TTC7B: variants seen among roughly 807,000 people sequenced by gnomAD.
The protein encoded by TTC7B is tetratricopeptide repeat protein 7B.
A neutral mutation model predicts 106.8 loss-of-function variants in TTC7B; 28 were observed. The observed-to-expected ratio is 0.26, with a 90% CI of 0.19 to 0.36. The LOEUF (loss-of-function observed/expected upper bound fraction) is 0.36. TTC7B is among the 10% of genes least tolerant of loss of function. The pLI, the probability that TTC7B is intolerant of heterozygous loss-of-function variation, is 1.00. For synonymous variants in TTC7B, 405 were observed against 430.6 expected (o/e 0.94, Z 0.74); for missense variants, 862 against 1,076.4 (o/e 0.80, Z 2.79).
At chr14:90,696,009 G>A (rs1038646472) in intron 5 of TTC7B, among the ~76,000 whole-genome samples, 1 of 151,852 alleles carries the variant, frequency 6.6e-6, no homozygotes, top group African/African-American at 2.4e-5. Context: ...AAGATGGAAG[G>A]CACAAAAAAA....
chr14:90,630,817 T>C (rs1377860683), intron 15 of TTC7B, among the ~76,000 whole-genome samples: 1 of 151,912 alleles, frequency 6.6e-6, no homozygotes, highest in Non-Finnish European at 1.5e-5. Context: ...TCCATCAGAA[T>C]GTCCTTCTAT....
In TTC7B at chr14:90,527,306, G is replaced by A. The variant is rs527439651; in HGVS notation, c.*14062C>T. ...TCCACATCCTTCTCTCTGAATGCAA[G>A]TCACCAAGTCCAGCCCACACTCCAG... On this transcript the variant is annotated 3_prime_UTR_variant, in exon 20 of 20. Transcript: ENST00000328459. 3.3e-5 allele frequency: 5 copies of A among 152,238 alleles called. No homozygotes were observed. The South Asian group carries it at 6.2e-4, about 19-fold the overall frequency. The allele number at this position is 152,238 out of a possible 1,614,324, so 9.4% of individuals were successfully genotyped here.
intron 1 of TTC7B, among the ~76,000 whole-genome samples, chr14:90,787,990 C>T (rs1891449872): frequency 6.6e-6 from 1 of 152,080 alleles, no homozygotes; most frequent in East Asian, 1.9e-4. Context: ...TGGTGAAACC[C>T]GGTATCTACT....
intron 19 of TTC7B, among the ~76,000 whole-genome samples, chr14:90,551,482 C>T (rs942243135): frequency 2.0e-5 from 3 of 152,068 alleles, no homozygotes; most frequent in Non-Finnish European, 4.4e-5. Flanking sequence ...TTGGTCTGGC[C>T]GTCTGCATTC....
intron 15 of TTC7B, among the ~76,000 whole-genome samples, chr14:90,630,799 T>G (rs1297381008): frequency 6.6e-6 from 1 of 152,182 alleles, no homozygotes. Flanking sequence ...TTCATCTATG[T>G]TGGTACATCC....
At position 90,756,479 on chromosome 14, in the gene TTC7B, C is replaced by T. The variant is rs188182282; in HGVS notation, c.446-11557G>A. On this transcript the variant is annotated intron_variant, in intron 3 of 19. Transcript: ENST00000328459. ...CGCGATCTCGGCTCACTGCAACTTC[C>T]GCCTTCTGGGTTCAAGCGATTCTCC... is the stretch of plus-strand genomic sequence containing the variant. 1.8e-3 allele frequency among the ~76,000 whole-genome samples: 278 copies of T among 151,314 alleles called. 1 individual carries two copies. The highest frequency in any genetic ancestry group is 6.8e-3 in the Middle Eastern group (2 of 292).
intron 8 of TTC7B, among the ~76,000 whole-genome samples, chr14:90,679,785 C>T (rs897631479): frequency 6.6e-6 from 1 of 152,232 alleles, no homozygotes; most frequent in Non-Finnish European, 1.5e-5. Flanking sequence ...GTGATAGATA[C>T]ACAGGGCAGA....
At chr14:90,728,947 C>G (rs1889218586) in intron 5 of TTC7B, among the ~76,000 whole-genome samples, 1 of 152,220 alleles carries the variant, frequency 6.6e-6, no homozygotes, top group African/African-American at 2.4e-5. Flanking sequence ...GAAAACAGAA[C>G]TTCATCTTAG....
At chr14:90,724,515 A>G (rs1889014718) in intron 5 of TTC7B, among the ~76,000 whole-genome samples, 1 of 152,180 alleles carries the variant, frequency 6.6e-6, no homozygotes, top group Non-Finnish European at 1.5e-5. Context: ...ACTCCTCATG[A>G]TAACGAGTGA....
In TTC7B at chr14:90,816,171, G is replaced by T. The variant is rs780875159; in HGVS notation, c.121+4C>A. On this transcript the variant is annotated splice_donor_region_variant and intron_variant, in intron 1 of 19. Coordinates refer to ENST00000328459, the MANE Select transcript of TTC7B (RefSeq NM_001010854.2). ...CAGCCCAGGCCGGCGCGCCCGGAGC[G>T]TACCGTTGGCGATGAGCTTGGCCGA... The T allele has an allele frequency of 8.1e-7, 1 of 1,241,832 alleles. No homozygotes were observed. Among genetic ancestry groups the T allele is most frequent in the South Asian group, 1.3e-5 (1 of 74,552 alleles). 76.9% of individuals were successfully genotyped at this position (1,241,832 alleles called of 1,614,324 possible).
chr14:90,670,621 G>A (rs1886595674), intron 9 of TTC7B, among the ~76,000 whole-genome samples: 1 of 152,124 alleles, frequency 6.6e-6, no homozygotes, highest in Admixed American at 6.5e-5. Context: ...CCTCCCAAAC[G>A]TGTTGGCATT....
intron 19 of TTC7B, among the ~76,000 whole-genome samples, chr14:90,559,555 CG>C (rs1385098364): frequency 6.6e-6 from 1 of 152,154 alleles, no homozygotes; most frequent in Non-Finnish European, 1.5e-5. Flanking sequence ...CTCTAGAGAA[CG>C]GGGAAGAGGC....
intron 7 of TTC7B, among the ~76,000 whole-genome samples, chr14:90,688,734 G>A (rs1428381720): frequency 1.3e-5 from 2 of 151,796 alleles, no homozygotes; most frequent in South Asian, 4.2e-4. Context: ...CTTGAACCTG[G>A]AAGGCAGAGG....
chr14:90,528,651 T>G lies in TTC7B; in HGVS notation c.*12717A>C, dbSNP rs914150351. ...TGCTTTGTTACCTGTTTCTGATGGT[T>G]GTTTCTGATGGTGTGACCCGACTGT... On this transcript the variant is annotated 3_prime_UTR_variant, in exon 20 of 20. Coordinates refer to ENST00000328459, the MANE Select transcript of TTC7B (RefSeq NM_001010854.2). 14 of 151,480 alleles carry G rather than the reference T, an allele frequency of 9.2e-5. No individual in the cohort carries two copies. The highest frequency in any genetic ancestry group is 3.4e-4 in the African/African-American group (14 of 40,832). 9.4% of individuals were successfully genotyped at this position (151,480 alleles called of 1,614,324 possible).
chr14:90,686,503 T>A (rs1887256847), intron 7 of TTC7B, among the ~76,000 whole-genome samples: 1 of 152,080 alleles, frequency 6.6e-6, no homozygotes, highest in African/African-American at 2.4e-5. Context: ...TAAAATAAAA[T>A]GCATCTAGGT....
intron 1 of TTC7B, among the ~76,000 whole-genome samples, chr14:90,806,328 G>C (rs117371100): frequency 6.6e-6 from 1 of 152,160 alleles, no homozygotes; most frequent in East Asian, 1.9e-4. Context: ...GCACTGCCTC[G>C]TTCTGTGACC....
chr14:90,622,681 G>C (rs968562959), intron 15 of TTC7B, among the ~76,000 whole-genome samples: 5 of 152,162 alleles, frequency 3.3e-5, no homozygotes, highest in Non-Finnish European at 7.3e-5. Context: ...AGTGAGCTGA[G>C]ATCATGCCAC....
intron 6 of TTC7B, among the ~76,000 whole-genome samples, chr14:90,694,862 T>C (rs991610960): frequency 3.2e-5 from 4 of 125,434 alleles, no homozygotes; most frequent in Non-Finnish European, 5.0e-5. Context: ...GTGACATATA[T>C]GTACATAAAT....
chr14:90,620,140 C>A lies in TTC7B; in HGVS notation c.1752-2095G>T, dbSNP rs2139851110. The stretch of plus-strand genomic sequence containing the variant: ...CTCCCAGTGGGGCCACGGCTGCAGC[C>A]TCCCCATGCCTGGGCTTGCAGAAGC... On this transcript the variant is annotated intron_variant, in intron 15 of 19. Coordinates refer to ENST00000328459, the MANE Select transcript of TTC7B (RefSeq NM_001010854.2). Among the ~76,000 whole-genome samples, 2 of 152,198 alleles carry A rather than the reference C, an allele frequency of 1.3e-5. 1 individual carries two copies. The highest frequency in any genetic ancestry group is 6.8e-3 in the Middle Eastern group (2 of 294).
Sources: allele counts gnomAD v4.1 joint callset (sites outside exome capture counted in the v4.1 genomes callset), GRCh38; gene constraint gnomAD v4.1.1; transcripts MANE v1.5; gene names NCBI Gene and HGNC (gene_info 2026-07-23, HGNC 2026-07-21).